Variants in UTRN observed in about 807,000 individuals in gnomAD.
UTRN encodes the protein utrophin.
UTRN carries 283 observed loss-of-function variants against 463.9 expected under a neutral mutation model. The observed-to-expected ratio is 0.61, with a 90% CI of 0.55 to 0.67. UTRN has a LOEUF of 0.67. UTRN is among the 30% of genes least tolerant of loss of function. The probability of loss-of-function intolerance (pLI) is 0.00; values close to 1 mark genes in which losing one functional copy is unlikely to be tolerated. For missense variants in UTRN, 3,922 were observed against 4,084.3 expected (o/e 0.96, Z 1.08); for synonymous variants, 1,442 against 1,431.5 (o/e 1.01, Z -0.17).
intron 35 of UTRN, among the ~76,000 whole-genome samples, chr6:144,512,352 G>T (rs1282386604): frequency 6.6e-6 from 1 of 151,912 alleles, no homozygotes; most frequent in East Asian, 1.9e-4. Context: ...TATCTTTCTA[G>T]TGCTGTTAGA....
chr6:144,754,002 A>G (rs1378902317), intron 56 of UTRN, among the ~76,000 whole-genome samples: 2 of 152,192 alleles, frequency 1.3e-5, no homozygotes, highest in Non-Finnish European at 2.9e-5. Context: ...GAGGAAAATA[A>G]GATGTTGCAT....
chr6:144,437,995 G>A (rs1356779146), intron 11 of UTRN, among the ~76,000 whole-genome samples: 3 of 152,228 alleles, frequency 2.0e-5, no homozygotes, highest in African/African-American at 7.2e-5. Flanking sequence ...GGATAGGCAT[G>A]GTGGCTCATG....
intron 43 of UTRN, among the ~76,000 whole-genome samples, chr6:144,533,744 T>TAG (rs1419638774): frequency 6.6e-6 from 1 of 150,846 alleles, no homozygotes; most frequent in East Asian, 1.9e-4. Context: ...TAATATAGTA[T>TAG]TATTAATTTT....
At chr6:144,609,195 G>A (rs1805209259) in intron 51 of UTRN, among the ~76,000 whole-genome samples, 1 of 152,172 alleles carries the variant, frequency 6.6e-6, no homozygotes, top group Non-Finnish European at 1.5e-5. Context: ...ATGTTGCCTA[G>A]TAGAGACTTG....
chr6:144,636,032 A>G (rs1777138000), intron 51 of UTRN, among the ~76,000 whole-genome samples: 1 of 152,096 alleles, frequency 6.6e-6, no homozygotes, highest in Admixed American at 6.5e-5. Flanking sequence ...AGTACCCTAG[A>G]ATTGAGTGTA....
intron 2 of UTRN, among the ~76,000 whole-genome samples, chr6:144,341,830 C>G (rs530377374): frequency 6.6e-6 from 1 of 152,330 alleles, no homozygotes; most frequent in South Asian, 2.1e-4. Flanking sequence ...TTCACAGCCT[C>G]TTACTATAGA....
At position 144,519,754 on chromosome 6, in the gene UTRN, G is replaced by A. The variant is rs1006111492; in HGVS notation, c.5542-2226G>A. 3.9e-5 allele frequency among the ~76,000 whole-genome samples: 6 copies of A among 152,290 alleles called. No homozygotes were observed. The South Asian group carries it at 1.2e-3, about 32-fold the overall frequency. On this transcript the variant is annotated intron_variant, in intron 39 of 74. Coordinates refer to ENST00000367545, the MANE Select transcript of UTRN (RefSeq NM_007124.3). ...TTGTCCTATAGTCTGAAAAGAAAAA[G>A]AGGCAGTCTTAATGAATGGGAATTT...
chr6:144,736,991 G>C (rs1789489971), intron 54 of UTRN, among the ~76,000 whole-genome samples: 1 of 152,114 alleles, frequency 6.6e-6, no homozygotes, highest in Non-Finnish European at 1.5e-5. Flanking sequence ...CTTCCTGGAC[G>C]CTTTCCCTTC....
intron 46 of UTRN, among the ~76,000 whole-genome samples, chr6:144,545,818 G>A (rs542778590): frequency 1.4e-4 from 22 of 152,292 alleles, no homozygotes; most frequent in African/African-American, 3.4e-4. Flanking sequence ...TCAGGAGTTC[G>A]AGACCAGCCT....
At chr6:144,802,976 C>T in intron 64 of UTRN, 60 bp from the exon 65 acceptor site, 11 of 1,205,792 alleles carry the variant, frequency 9.1e-6, no homozygotes, top group Admixed American at 2.9e-5. Context: ...AATTTCTTAC[C>T]ACAAATTTAG....
intron 65 of UTRN, among the ~76,000 whole-genome samples, chr6:144,809,421 G>GT (rs1373011345): frequency 1.3e-5 from 2 of 152,144 alleles, no homozygotes; most frequent in Non-Finnish European, 2.9e-5. Flanking sequence ...ATTCCAAGGT[G>GT]TTAATGATAC....
At chr6:144,373,363 C>T (rs1263734164) in intron 2 of UTRN, among the ~76,000 whole-genome samples, 1 of 152,168 alleles carries the variant, frequency 6.6e-6, no homozygotes, top group East Asian at 1.9e-4. Flanking sequence ...CTGATACAAG[C>T]TGCAACATGC....
At chr6:144,824,768 G>T (rs1274984435) in intron 66 of UTRN, among the ~76,000 whole-genome samples, 1 of 125,122 alleles carries the variant, frequency 8.0e-6, no homozygotes, top group African/African-American at 3.0e-5. Flanking sequence ...ATGTGAAGTT[G>T]GTGGTGGGGG....
intron 51 of UTRN, chr6:144,583,332 C>T (rs1187637852): frequency 1.4e-5 from 6 of 440,518 alleles, no homozygotes; most frequent in Non-Finnish European, 2.5e-5. Flanking sequence ...GAATACCAGC[C>T]TCCTTTTTCC....
intron 53 of UTRN, among the ~76,000 whole-genome samples, chr6:144,724,475 C>T (rs1787621476): frequency 6.6e-6 from 1 of 152,194 alleles, no homozygotes; most frequent in Admixed American, 6.5e-5. Flanking sequence ...GATCCTCCCG[C>T]CTCAGCCTCC....
chr6:144,708,589 A>G (rs1785329304), intron 53 of UTRN: 2 of 254,086 alleles, frequency 7.9e-6, no homozygotes, highest in Non-Finnish European at 1.5e-5. Flanking sequence ...CTTATCCTTA[A>G]ACTTAGAGTT....
chr6:144,849,136 G>A (rs563454056), intron 74 of UTRN, among the ~76,000 whole-genome samples: 46 of 152,216 alleles, frequency 3.0e-4, no homozygotes, highest in African/African-American at 1.0e-3. Flanking sequence ...GGGTTTTGCG[G>A]ATCACAGGCC....
intron 2 of UTRN, among the ~76,000 whole-genome samples, chr6:144,318,106 A>G (rs1228588574): frequency 2.0e-5 from 3 of 151,920 alleles, no homozygotes; most frequent in African/African-American, 7.3e-5. Flanking sequence ...AATACTTTGC[A>G]CTGTTAAGAG....
intron 34 of UTRN, among the ~76,000 whole-genome samples, chr6:144,501,698 A>G (rs947220587): frequency 1.1e-4 from 16 of 152,254 alleles, no homozygotes; most frequent in South Asian, 6.2e-4. Context: ...AGATAACGCT[A>G]TGGTGAATAT....
Sources: gnomAD v4.1 joint callset for allele counts (sites outside exome capture counted in the v4.1 genomes callset) on GRCh38, gnomAD v4.1.1 for gene constraint, MANE v1.5 for transcripts, NCBI Gene and HGNC (gene_info 2026-07-23, HGNC 2026-07-21) for gene names.